ADGRG6: variants seen among roughly 807,000 people sequenced by gnomAD.
The protein encoded by ADGRG6 is G-protein coupled receptor 126.
ADGRG6 carries 84 observed loss-of-function variants against 142.4 expected under a neutral mutation model. The ratio of observed to expected loss-of-function variants is 0.59; its 90% CI spans 0.49 to 0.71. The LOEUF (loss-of-function observed/expected upper bound fraction) is 0.71. ADGRG6 is among the 30% of genes least tolerant of loss of function. The pLI is 0.00. For synonymous variants in ADGRG6, 521 were observed against 520.5 expected (o/e 1.00, Z -0.01); for missense variants, 1,367 against 1,466.6 (o/e 0.93, Z 1.11).
intron 9 of ADGRG6, among the ~76,000 whole-genome samples, chr6:142,394,726 CAT>C (rs974864263): frequency 3.3e-5 from 5 of 151,830 alleles, no homozygotes; most frequent in Non-Finnish European, 7.4e-5. Context: ...GGGCTACACA[CAT>C]GTGCTAGCAT....
Position 142,400,544 on chromosome 6 carries a change from G to C in ADGRG6, c.1627G>C (p.Glu543Gln). 2 of 1,608,686 alleles carry C rather than the reference G, an allele frequency of 1.2e-6. No homozygotes were observed. Among genetic ancestry groups the C allele is most frequent in the Non-Finnish European group, 8.5e-7 (1 of 1,175,546 alleles). ...CTACTGGCCATCTATCCAACCTTCT[G>C]AATACGTTCTTCCTTGTCCAGACAA... ...GYYWPSIQPS[E>Q]YVLPCPDKPG... The change falls in exon 11 of 25, where the codon GAA (glutamate) becomes CAA (glutamine). Residue 543 changes from glutamate to glutamine, a missense_variant. By Grantham distance (29) the Glu-to-Gln change is conservative. Around this residue, in one of 3 missense-constraint regions of ADGRG6, gnomAD observed 737 missense variants for 746.5 expected, o/e 0.99. Coordinates refer to ENST00000367609, the MANE Select transcript of ADGRG6 (RefSeq NM_198569.3).
intron 24 of ADGRG6, among the ~76,000 whole-genome samples, chr6:142,440,319 C>A (rs1357627597): frequency 6.6e-6 from 1 of 152,070 alleles, no homozygotes; most frequent in Non-Finnish European, 1.5e-5. Flanking sequence ...GACACAGGGT[C>A]TCGCTCTGTT....
chr6:142,345,946 T>G (rs150164301), intron 2 of ADGRG6, among the ~76,000 whole-genome samples: 3 of 152,334 alleles, frequency 2.0e-5, no homozygotes, highest in East Asian at 1.9e-4. Flanking sequence ...CATTAGTAGA[T>G]GACTTCGATT....
At position 142,403,810 on chromosome 6, in the gene ADGRG6, A is replaced by G. The variant is rs1212218079; in HGVS notation, c.1964A>G (p.Lys655Arg). 4.4e-6 allele frequency: 7 copies of G among 1,575,548 alleles called. No individual in the cohort carries two copies. Among genetic ancestry groups the G allele is most frequent in the Non-Finnish European group, 5.1e-6 (6 of 1,165,730 alleles). Residue 655 changes from lysine (K) to arginine (R), a missense_variant, in exon 14 of 25, where the codon AAA (lysine) becomes AGA (arginine). Lys to Arg is a conservative substitution (Grantham distance 26). This residue lies in a region of ADGRG6 where 286 missense variants were observed against 371.4 expected (regional missense o/e 0.77). Coordinates refer to ENST00000367609, the MANE Select transcript of ADGRG6 (RefSeq NM_198569.3). ...DLLESSSEAL[K>R]TIDELAFKID... ...TTTTGTCGTTACTTTAGAGCTTTAA[A>G]AACAATTGATGAATTGGCCTTCAAG...
At chr6:142,439,701 G>T (rs2115205962) in intron 24 of ADGRG6, among the ~76,000 whole-genome samples, 1 of 152,244 alleles carries the variant, frequency 6.6e-6, no homozygotes, top group South Asian at 2.1e-4. Flanking sequence ...ACATTTTGGG[G>T]GGAATTGAAT....
At chr6:142,392,033 A>T (rs1316633706) in intron 7 of ADGRG6, among the ~76,000 whole-genome samples, 1 of 151,962 alleles carries the variant, frequency 6.6e-6, no homozygotes, top group East Asian at 1.9e-4. Flanking sequence ...AAAATGCAAG[A>T]TACCAAAGCA....
rs1415288283 is a variant in ADGRG6, at chr6:142,383,771, T to C, written c.1150T>C (p.Ser384Pro). ...ATCTTTATTACCAGCTACTGTAAACTCTCCTAGTACTACACCACCCACTGT... is the reference window on the plus strand; with the variant it reads ...ATCTTTATTACCAGCTACTGTAAACCCTCCTAGTACTACACCACCCACTGT... ...LGTLCQATVNSPSTTPPTVTT... is the reference protein window; with the variant it reads ...LGTLCQATVNPPSTTPPTVTT... The change falls in exon 6 of 25, where the codon TCT becomes CCT. Residue 384 changes from serine to proline, a missense_variant. By Grantham distance (74) the Ser-to-Pro change is moderately conservative (BLOSUM62 -1). This residue lies in a region of ADGRG6 where 737 missense variants were observed against 746.5 expected (regional missense o/e 0.99). Coordinates refer to ENST00000367609, the MANE Select transcript of ADGRG6 (RefSeq NM_198569.3). The C allele has an allele frequency of 1.3e-6, 2 of 1,538,012 alleles. No individual in the cohort carries two copies. Among genetic ancestry groups the C allele is most frequent in the Non-Finnish European group, 1.8e-6 (2 of 1,113,974 alleles).
chr6:142,384,350 G>T (rs1218304314), intron 6 of ADGRG6, among the ~76,000 whole-genome samples: 1 of 151,972 alleles, frequency 6.6e-6, no homozygotes, highest in Non-Finnish European at 1.5e-5. Context: ...ATTTGCCGAA[G>T]AATAATAGAA....
rs78030387 is a variant in ADGRG6, at chr6:142,400,709, A to G, written c.1679+113A>G. ...TATATTGATTGCAAAGAAGGGCAGG[A>G]ATCTCTGTGTATGCCTGTATCATTC... is the stretch of plus-strand genomic sequence containing the variant. On this transcript the variant is annotated intron_variant, in intron 11 of 24. Coordinates refer to ENST00000367609, the MANE Select transcript of ADGRG6 (RefSeq NM_198569.3). 2,865 of 662,052 alleles carry G rather than the reference A, an allele frequency of 4.3e-3. 69 individuals are homozygous for G. In the East Asian group the frequency reaches 0.048, roughly 11 times the overall value. The allele number at this position is 662,052 out of a possible 1,614,324, so 41.0% of individuals were successfully genotyped here.
intron 1 of ADGRG6, among the ~76,000 whole-genome samples, chr6:142,307,187 G>A (rs1327964277): frequency 6.6e-6 from 1 of 152,094 alleles, no homozygotes; most frequent in African/African-American, 2.4e-5. Context: ...CTGAGAGAAA[G>A]CTATTATTCA....
chr6:142,374,721 T>G (rs1454290131), intron 4 of ADGRG6, among the ~76,000 whole-genome samples: 1 of 152,228 alleles, frequency 6.6e-6, no homozygotes, highest in East Asian at 1.9e-4. Context: ...AACACGTGTC[T>G]CCTGTCTCCT....
chr6:142,386,950 C>T (rs964698206), intron 6 of ADGRG6, among the ~76,000 whole-genome samples: 1 of 152,122 alleles, frequency 6.6e-6, no homozygotes, highest in Middle Eastern at 3.2e-3. Context: ...TGGAGAAACC[C>T]CATGAAGACA....
chr6:142,405,898 T>G, intron 15 of ADGRG6, 70 bp downstream of exon 15: 1 of 1,142,584 alleles, frequency 8.8e-7, no homozygotes, highest in Non-Finnish European at 1.2e-6. Context: ...AAAACAAAAC[T>G]TTAGATTCTG....
At chr6:142,350,033 C>A (rs1278076001) in intron 2 of ADGRG6, among the ~76,000 whole-genome samples, 1 of 152,140 alleles carries the variant, frequency 6.6e-6, no homozygotes, top group Non-Finnish European at 1.5e-5. Flanking sequence ...TAGTTAGGAT[C>A]CCTGACTTTG....
intron 2 of ADGRG6, among the ~76,000 whole-genome samples, chr6:142,314,971 AGTGTGT>A (rs58848776): frequency 2.6e-4 from 38 of 145,082 alleles, no homozygotes; most frequent in East Asian, 1.2e-3. Flanking sequence ...CCAATCATGG[AGTGTGT>A]GTGTGTGTGT....
chr6:142,338,164 G>T (rs936175032), intron 2 of ADGRG6, among the ~76,000 whole-genome samples: 2 of 151,184 alleles, frequency 1.3e-5, no homozygotes, highest in African/African-American at 4.8e-5. Context: ...GCGACTACAG[G>T]CGCCTGCCAC....
At chr6:142,437,406 T>G in intron 22 of ADGRG6, 28 bp from the exon 23 acceptor site, 4 of 1,056,894 alleles carry the variant, frequency 3.8e-6, no homozygotes, top group Non-Finnish European at 5.9e-6. Context: ...TCAGTTGGCT[T>G]AAATATTTAT....
intron 1 of ADGRG6, among the ~76,000 whole-genome samples, chr6:142,304,819 GATT>G (rs968084105): frequency 6.6e-6 from 1 of 152,150 alleles, no homozygotes; most frequent in Admixed American, 6.5e-5. Context: ...AATTGGATGA[GATT>G]ATTATCTACA....
chr6:142,378,378 G>A (rs992689244), intron 4 of ADGRG6, among the ~76,000 whole-genome samples: 3 of 152,116 alleles, frequency 2.0e-5, no homozygotes, highest in African/African-American at 2.4e-5. Flanking sequence ...TCCCTCCAGG[G>A]TCTCCTCTAT....
Sources: gnomAD v4.1 joint callset for allele counts (sites outside exome capture counted in the v4.1 genomes callset) on GRCh38, gnomAD v4.1.1 for gene constraint, gnomAD v4.1.1 regional missense constraint, MANE v1.5 for transcripts, NCBI Gene and HGNC (gene_info 2026-07-23, HGNC 2026-07-21) for gene names.